Variants in HGS observed in about 807,000 individuals in gnomAD.
The protein encoded by HGS is human growth factor-regulated tyrosine kinase substrate.
A neutral mutation model predicts 109.7 loss-of-function variants in HGS; 63 were observed. That is an observed-to-expected ratio of 0.57 (90% CI 0.47 to 0.71). The LOEUF is 0.71. Ranked by LOEUF, HGS falls within the 30% of genes least tolerant of loss-of-function variation. The pLI is 0.00. For missense variants in HGS, 995 were observed against 1,068.3 expected (o/e 0.93, Z 0.96); for synonymous variants, 546 against 437.3 (o/e 1.25, Z -3.10).
rs376397522 is a variant in HGS at position 81,694,870 on chromosome 17, G to A, written c.975+17G>A. On this transcript the variant is annotated intron_variant, in intron 12 of 21. Transcript: ENST00000329138. The stretch of plus-strand genomic sequence containing the variant: ...GACCCTGAGGTAAGGCCCAGCATGG[G>A]GTGCATCCTCTCACGGTTTCTGGCC... The A allele has an allele frequency of 2.5e-6, 4 of 1,614,078 alleles. No individual in the cohort carries two copies. Among genetic ancestry groups the A allele is most frequent in the African/African-American group, 1.3e-5 (1 of 74,940 alleles).
chr17:81,701,687 C>A lies in HGS; in HGVS notation c.*69C>A, dbSNP rs554508263. On this transcript the variant is annotated 3_prime_UTR_variant, in exon 22 of 22. Coordinates refer to ENST00000329138, the MANE Select transcript of HGS (RefSeq NM_004712.5). ...CCTGAAACGCCTCGTCTCTAACTGCCGTCGTCCTGCCTCCCTGTCCTCTAC... is the reference window on the plus strand; with the variant it reads ...CCTGAAACGCCTCGTCTCTAACTGCAGTCGTCCTGCCTCCCTGTCCTCTAC... 442 of 1,501,324 alleles carry A rather than the reference C, an allele frequency of 2.9e-4. No individual in the cohort carries two copies. Among genetic ancestry groups the A allele is most frequent in the Non-Finnish European group, 3.8e-4 (430 of 1,121,364 alleles). 93.0% of individuals were successfully genotyped at this position (1,501,324 alleles called of 1,614,324 possible). A position where few individuals can be genotyped will look rare whatever the true frequency, so the allele number is the denominator to read the frequency against.
At chr17:81,687,748 C>G (rs2037001609) in intron 4 of HGS, among the ~76,000 whole-genome samples, 1 of 152,092 alleles carries the variant, frequency 6.6e-6, no homozygotes, top group Non-Finnish European at 1.5e-5. Flanking sequence ...AAGAGTGTCC[C>G]ATGTAGTCAG....
chr17:81,694,885 G>A lies in HGS; in HGVS notation c.975+32G>A, dbSNP rs370344456. On this transcript the variant is annotated intron_variant, in intron 12 of 21. Coordinates refer to ENST00000329138, the MANE Select transcript of HGS (RefSeq NM_004712.5). ...CCCAGCATGGGGTGCATCCTCTCAC[G>A]GTTTCTGGCCTTGGGAGTGACCCCC... 93 of 1,614,136 alleles carry A rather than the reference G, an allele frequency of 5.8e-5. No individual in the cohort carries two copies. The Admixed American group carries it at 1.2e-3, about 22-fold the overall frequency.
chr17:81,696,047 G>C (rs2037141408), intron 15 of HGS, 48 bp downstream of exon 15: 1 of 1,477,760 alleles, frequency 6.8e-7, no homozygotes. Context: ...GCCAGGTGTT[G>C]TGAGCGCCAT....
chr17:81,693,419 G>C lies in HGS; in HGVS notation c.663-84G>C, dbSNP rs906528887. 6 of 985,290 alleles carry C rather than the reference G, an allele frequency of 6.1e-6. No homozygotes were observed. The East Asian group carries it at 1.4e-4, about 24-fold the overall frequency. 61.0% of individuals were successfully genotyped at this position (985,290 alleles called of 1,614,324 possible). A position where few individuals can be genotyped will look rare whatever the true frequency, so the allele number is the denominator to read the frequency against. ...TCACTCTGTGGGGACACTTAGAGGA[G>C]CCCGCAGAGGTGTGGTTGAGAGCTT... On this transcript the variant is annotated intron_variant, in intron 8 of 21. Transcript: ENST00000329138.
At position 81,695,755 on chromosome 17, in the gene HGS, G is replaced by C. The variant is rs200003525; in HGVS notation, c.1180-31G>C. On this transcript the variant is annotated intron_variant, in intron 14 of 21. Coordinates refer to ENST00000329138, the MANE Select transcript of HGS (RefSeq NM_004712.5). Reference sequence around the variant, plus strand: ...CAGGGAGGCTGGCTGGGGCGTGGCCGCACTCATCCAGAACCCTGCTCTGCC... The same window carrying C: ...CAGGGAGGCTGGCTGGGGCGTGGCCCCACTCATCCAGAACCCTGCTCTGCC... 1.9e-6 allele frequency: 3 copies of C among 1,606,136 alleles called. No homozygotes were observed. In the African/African-American group the frequency reaches 4.0e-5, roughly 21 times the overall value.
chr17:81,687,854 T>G (rs1358458433), intron 4 of HGS, among the ~76,000 whole-genome samples: 2 of 152,166 alleles, frequency 1.3e-5, no homozygotes, highest in African/African-American at 4.8e-5. Context: ...GGGATCCCGG[T>G]GGACAGCCAG....
At position 81,700,682 on chromosome 17, in the gene HGS, A is replaced by C; in HGVS notation, c.2017-13A>C. The C allele has an allele frequency of 6.3e-7, 1 of 1,590,502 alleles. No individual in the cohort carries two copies. The highest frequency in any genetic ancestry group is 8.6e-7 in the Non-Finnish European group (1 of 1,169,492). The stretch of plus-strand genomic sequence containing the variant: ...CCCAGCCCCTTCTCCCATGGCACTC[A>C]TTCCCTCCGCAGAACGTGGCCTCCC... On this transcript the variant is annotated splice_polypyrimidine_tract_variant and intron_variant, in intron 19 of 21. Transcript: ENST00000329138.
rs1266685159 is a variant in HGS, at chr17:81,695,183, A to G, written c.1139A>G (p.Asp380Gly). 1 of 1,613,770 alleles carries G rather than the reference A, an allele frequency of 6.2e-7. No homozygotes were observed. Among genetic ancestry groups the G allele is most frequent in the Non-Finnish European group, 8.5e-7 (1 of 1,179,926 alleles). The change falls in exon 14 of 22, where the codon GAC becomes GGC. Residue 380 changes from aspartate (D) to glycine (G), a missense_variant. Asp to Gly is a moderately conservative substitution (Grantham distance 94, BLOSUM62 -1). Coordinates refer to ENST00000329138, the MANE Select transcript of HGS (RefSeq NM_004712.5). ...TTCCAGAACCCCCTCCCGGAGACAG[A>G]CTCTCAGCCCATTCCTCCCTCTGGT... ...NVVENPLPET[D>G]SQPIPPSGGP...
chr17:81,695,758 C>T, intron 14 of HGS, 28 bp from the exon 15 acceptor site: 7 of 1,610,288 alleles, frequency 4.3e-6, no homozygotes, highest in Non-Finnish European at 5.9e-6. Context: ...CGTGGCCGCA[C>T]TCATCCAGAA....
At chr17:81,690,017 G>A (rs532393387) in intron 5 of HGS, among the ~76,000 whole-genome samples, 165 bp from the exon 6 acceptor site, 187 of 152,272 alleles carry the variant, frequency 1.2e-3, no homozygotes, top group Non-Finnish European at 2.3e-3. Context: ...AGGCCCCATG[G>A]GGACACCCAA....
chr17:81,690,833 TC>T (rs2037052730), intron 7 of HGS, 91 bp downstream of exon 7: 1 of 1,165,176 alleles, frequency 8.6e-7, no homozygotes, highest in Admixed American at 2.1e-5. Context: ...GGCCTTTCCT[TC>T]CTGGTGGGTG....
rs768479688 is a variant in HGS, at chr17:81,691,524, C to T, written c.615C>T (p.Ile205=). Residue 205 remains isoleucine (I), a synonymous_variant, in exon 8 of 22, where the codon ATC becomes ATT. Coordinates refer to ENST00000329138, the MANE Select transcript of HGS (RefSeq NM_004712.5). This position sits in a 1 kb window ranked among gnomAD's most constrained non-coding sequence, Gnocchi z 5.3. ...SKYSTIPKFG[I]EKEVRVCEPC... is the part of the protein sequence containing the mutation. The stretch of plus-strand genomic sequence containing the variant: ...ACTCCACCATCCCCAAGTTTGGCAT[C>T]GAGAAGGAGGTGCGCGTGTGTGAGC... 8 of 1,613,984 alleles carry T rather than the reference C, an allele frequency of 5.0e-6. No individual in the cohort carries two copies. The Admixed American group carries it at 5.0e-5, about 10-fold the overall frequency.
intron 18 of HGS, among the ~76,000 whole-genome samples, chr17:81,698,558 T>A (rs1241227659): frequency 6.6e-6 from 1 of 152,166 alleles, no homozygotes; most frequent in African/African-American, 2.4e-5. Flanking sequence ...TCTTGTATGT[T>A]CTCAACCCTG....
chr17:81,693,465 C>T lies in HGS; in HGVS notation c.663-38C>T, dbSNP rs367993886. On this transcript the variant is annotated intron_variant, in intron 8 of 21. Coordinates refer to ENST00000329138, the MANE Select transcript of HGS (RefSeq NM_004712.5). ...AGCTTTGGCGGGGGCAGGGCGGTGT[C>T]AGCGCATGGTGACCTGCAGCATTCC... The T allele has an allele frequency of 2.6e-5, 39 of 1,513,986 alleles. No homozygotes were observed. In the African/African-American group the frequency reaches 4.5e-4, roughly 18 times the overall value. The allele number at this position is 1,513,986 out of a possible 1,614,324, so 93.8% of individuals were successfully genotyped here. A position where few individuals can be genotyped will look rare whatever the true frequency, so the allele number is the denominator to read the frequency against.
chr17:81,697,294 A>G (rs551028690), intron 18 of HGS: 14 of 280,642 alleles, frequency 5.0e-5, no homozygotes, highest in South Asian at 2.3e-4. Flanking sequence ...CTCAGCCCTC[A>G]TGGACTGTCC....
intron 11 of HGS, 108 bp downstream of exon 11, chr17:81,694,073 C>G: frequency 2.1e-6 from 2 of 942,066 alleles, no homozygotes; most frequent in Non-Finnish European, 3.1e-6. Context: ...TGCGGGTCCC[C>G]GGGCTTCCCA....
intron 4 of HGS, 46 bp from the exon 5 acceptor site, chr17:81,688,658 C>T (rs764826895): frequency 8.1e-6 from 13 of 1,607,980 alleles, no homozygotes; most frequent in South Asian, 7.8e-5. Flanking sequence ...AGGCCTCTGG[C>T]GCCTGGAGTG....
chr17:81,685,234 C>T (rs150963710), intron 1 of HGS, among the ~76,000 whole-genome samples: 65 of 152,252 alleles, frequency 4.3e-4, no homozygotes, highest in African/African-American at 1.3e-3. Context: ...CTCCAAGGGA[C>T]GGGTGATAGG....
Sources: allele counts gnomAD v4.1 joint callset (sites outside exome capture counted in the v4.1 genomes callset), GRCh38; gene constraint gnomAD v4.1.1; non-coding constraint Gnocchi (gnomAD v3.1); transcripts MANE v1.5; gene names NCBI Gene and HGNC (gene_info 2026-07-23, HGNC 2026-07-21).